XRCC5: variants seen among roughly 807,000 people sequenced by gnomAD.
XRCC5 encodes X-ray repair cross complementing 5.
XRCC5 carries 12 observed loss-of-function variants against 95.7 expected under a neutral mutation model. The observed-to-expected ratio is 0.13, with a 90% CI of 0.08 to 0.20. The LOEUF is 0.20. XRCC5 is among the 10% of genes least tolerant of loss of function. The pLI, the probability that XRCC5 is intolerant of heterozygous loss-of-function variation, is 1.00. For synonymous variants in XRCC5, 281 were observed against 290.3 expected (o/e 0.97, Z 0.33); for missense variants, 595 against 873.9 (o/e 0.68, Z 4.02).
In XRCC5 at chr2:216,116,807, A is replaced by G. The variant is rs1030481134; in HGVS notation, c.284A>G (p.Glu95Gly). 1 of 1,614,190 alleles carries G rather than the reference A, an allele frequency of 6.2e-7. No individual in the cohort carries two copies. Among genetic ancestry groups the G allele is most frequent in the African/African-American group, 1.3e-5 (1 of 75,064 alleles). Residue 95 changes from glutamate to glycine, a missense_variant, in exon 3 of 21, where the codon GAA (glutamate) becomes GGA (glycine). Glu to Gly is a moderately conservative substitution (Grantham distance 98, BLOSUM62 -2). Around this residue, in one of 2 missense-constraint regions of XRCC5, gnomAD observed 286 missense variants for 491.1 expected, o/e 0.58. Transcript: ENST00000392132. ...GATTTTGATTTGCTGGAGGACATTG[A>G]AAGCAAAATCCAACCAGGTTCTCAA... is the stretch of plus-strand genomic sequence containing the variant. ...LPDFDLLEDIESKIQPGSQQA... is the reference protein window; with the variant it reads ...LPDFDLLEDIGSKIQPGSQQA...
chr2:216,202,863 G>T (rs1216763065), intron 19 of XRCC5, among the ~76,000 whole-genome samples: 1 of 152,220 alleles, frequency 6.6e-6, no homozygotes, highest in Non-Finnish European at 1.5e-5. Context: ...TTATCACTTT[G>T]TTACCTGTGT....
chr2:216,184,420 A>G (rs760411825), intron 16 of XRCC5, among the ~76,000 whole-genome samples: 1 of 152,152 alleles, frequency 6.6e-6, no homozygotes, highest in Non-Finnish European at 1.5e-5. Flanking sequence ...ATCCTACCTC[A>G]CTAGAAAGAA....
chr2:216,143,523 T>A (rs1278821453), intron 13 of XRCC5, among the ~76,000 whole-genome samples: 1 of 152,242 alleles, frequency 6.6e-6, no homozygotes, highest in Non-Finnish European at 1.5e-5. Flanking sequence ...CAGGCATTTT[T>A]ATATTCCAAA....
rs1408677788 is a variant in XRCC5, at chr2:216,122,173, A to G, written c.603A>G (p.Gln201=). The G allele has an allele frequency of 1.2e-6, 2 of 1,614,202 alleles. No homozygotes were observed. Among genetic ancestry groups the G allele is most frequent in the East Asian group, 4.5e-5 (2 of 44,890 alleles). Residue 201 remains glutamine (Q), a synonymous_variant, in exon 6 of 21, where the codon CAA becomes CAG. Transcript: ENST00000392132. ...SFPLKGITEQ[Q]KEGLEIVKMV... is the part of the protein sequence containing the mutation. ...CACTAAAAGGAATTACCGAACAGCAAAAAGAAGGTCTTGAGATAGTGAAAA... is the reference window on the plus strand; with the variant it reads ...CACTAAAAGGAATTACCGAACAGCAGAAAGAAGGTCTTGAGATAGTGAAAA...
At chr2:216,142,691 GC>G (rs1697192156) in intron 13 of XRCC5, among the ~76,000 whole-genome samples, 1 of 152,190 alleles carries the variant, frequency 6.6e-6, no homozygotes. Flanking sequence ...CAGGGCATGT[GC>G]TGCAGAGACC....
chr2:216,147,533 C>T (rs1300686274), intron 13 of XRCC5, among the ~76,000 whole-genome samples: 1 of 152,094 alleles, frequency 6.6e-6, no homozygotes, highest in Non-Finnish European at 1.5e-5. Flanking sequence ...GGTGGATGGA[C>T]TTGTGCTGAA....
intron 19 of XRCC5, among the ~76,000 whole-genome samples, chr2:216,198,067 G>A (rs959888527): frequency 6.6e-5 from 10 of 152,196 alleles, no homozygotes; most frequent in Non-Finnish European, 1.5e-4. Flanking sequence ...GCAAGAGCAG[G>A]AACTACCATC....
chr2:216,145,319 G>T (rs1559246563), intron 13 of XRCC5, among the ~76,000 whole-genome samples: 1 of 152,086 alleles, frequency 6.6e-6, no homozygotes, highest in Non-Finnish European at 1.5e-5. Context: ...TTATCAAGAG[G>T]TTAATTTAAT....
At chr2:216,141,957 A>G (rs1697179796) in intron 13 of XRCC5, among the ~76,000 whole-genome samples, 1 of 152,078 alleles carries the variant, frequency 6.6e-6, no homozygotes, top group Non-Finnish European at 1.5e-5. Flanking sequence ...AGGAGGCTGA[A>G]GTGGGAGAAT....
chr2:216,187,300 A>G (rs975974256), intron 16 of XRCC5, among the ~76,000 whole-genome samples: 1 of 148,792 alleles, frequency 6.7e-6, no homozygotes, highest in Non-Finnish European at 1.5e-5. Flanking sequence ...TTAGGACTTC[A>G]TTTTTTTTTT....
intron 8 of XRCC5, among the ~76,000 whole-genome samples, chr2:216,130,380 A>G (rs568102324): frequency 1.3e-5 from 2 of 152,286 alleles, no homozygotes; most frequent in South Asian, 2.1e-4. Flanking sequence ...AATGTTTCCA[A>G]ACAGAAGAGT....
chr2:216,127,514 C>T (rs1696917919), intron 7 of XRCC5, 22 bp from the exon 8 acceptor site: 3 of 1,570,376 alleles, frequency 1.9e-6, no homozygotes, highest in South Asian at 1.2e-5. Flanking sequence ...CCTTGTTTTC[C>T]CTTTGTGTTT....
intron 16 of XRCC5, among the ~76,000 whole-genome samples, chr2:216,185,628 A>G (rs1689479926): frequency 6.6e-6 from 1 of 151,680 alleles, no homozygotes; most frequent in South Asian, 2.1e-4. Context: ...ATTTTGTGTT[A>G]TAAAGATGCA....
chr2:216,113,542 A>C (rs1696632583), intron 2 of XRCC5, among the ~76,000 whole-genome samples: 1 of 152,196 alleles, frequency 6.6e-6, no homozygotes, highest in African/African-American at 2.4e-5. Flanking sequence ...GTAGTGTCTC[A>C]AGTAACATTT....
intron 19 of XRCC5, among the ~76,000 whole-genome samples, chr2:216,197,540 T>C (rs1051996607): frequency 6.6e-6 from 1 of 151,984 alleles, no homozygotes; most frequent in Admixed American, 6.6e-5. Flanking sequence ...GAATCTCTTC[T>C]ACTTCAGCCA....
chr2:216,116,560 C>T (rs1276342708), intron 2 of XRCC5, 99 bp from the exon 3 acceptor site: 2 of 1,367,084 alleles, frequency 1.5e-6, no homozygotes, highest in East Asian at 2.4e-5. Context: ...AGGGACCTGC[C>T]ATAGGGAGGT....
intron 6 of XRCC5, among the ~76,000 whole-genome samples, chr2:216,123,622 G>A (rs1336131256): frequency 6.6e-6 from 1 of 152,036 alleles, no homozygotes; most frequent in Non-Finnish European, 1.5e-5. Context: ...CCCAGCCAGC[G>A]TGGCGAAACC....
chr2:216,116,573 G>A, intron 2 of XRCC5, 86 bp from the exon 3 acceptor site: 1 of 1,515,908 alleles, frequency 6.6e-7, no homozygotes, highest in South Asian at 1.2e-5. Context: ...AGGGAGGTCT[G>A]GTTGTCCTGC....
Position 216,156,491 on chromosome 2 carries a change from C to T in XRCC5, c.1671-3577C>T, listed in dbSNP as rs561550683. 25 of 647,516 alleles carry T rather than the reference C, an allele frequency of 3.9e-5. No homozygotes were observed. The East Asian group carries it at 4.4e-4, about 11-fold the overall frequency. 40.1% of individuals were successfully genotyped at this position (647,516 alleles called of 1,614,324 possible). A position where few individuals can be genotyped will look rare whatever the true frequency, so the allele number is the denominator to read the frequency against. On this transcript the variant is annotated intron_variant, in intron 14 of 20. Coordinates refer to ENST00000392132, the MANE Select transcript of XRCC5 (RefSeq NM_021141.4). ...TCTACATAAGCCTCATCGATGCTGA[C>T]GCATTCAATCACAGCAAAACAAGAC...
Sources: gnomAD v4.1 joint callset for allele counts (sites outside exome capture counted in the v4.1 genomes callset) on GRCh38, gnomAD v4.1.1 for gene constraint, gnomAD v4.1.1 regional missense constraint, MANE v1.5 for transcripts, NCBI Gene and HGNC (gene_info 2026-07-23, HGNC 2026-07-21) for gene names.